Variants in CENPP observed in about 807,000 individuals in gnomAD.
The protein encoded by CENPP is centromere protein P.
Under a neutral mutation model 35.6 loss-of-function variants are expected in CENPP, and 24 were observed. The observed-to-expected ratio is 0.67, with a 90% CI of 0.49 to 0.95. The LOEUF (loss-of-function observed/expected upper bound fraction) is 0.95, where lower values mean the gene tolerates loss of function less well. Ranked by LOEUF, CENPP falls within the 40% of genes least tolerant of loss-of-function variation. CENPP has a pLI of 0.00. For missense variants in CENPP, 332 were observed against 345.3 expected, an observed-to-expected ratio of 0.96 and a Z score of 0.31; for synonymous variants, 120 against 125.5, an observed-to-expected ratio of 0.96 and a Z score of 0.29.
At chr9:92,442,454 G>A (rs1844433127) in intron 5 of CENPP, among the ~76,000 whole-genome samples, 1 of 151,074 alleles carries the variant, frequency 6.6e-6, no homozygotes, top group Non-Finnish European at 1.5e-5. Context: ...ATGATCAAGT[G>A]GGATTTGTAT....
chr9:92,415,194 T>TG, intron 5 of CENPP: 5 of 1,613,598 alleles, frequency 3.1e-6, no homozygotes, highest in Non-Finnish European at 4.2e-6. Context: ...AGTGCCCTTC[T>TG]GCTCCTTCTT....
intron 5 of CENPP, among the ~76,000 whole-genome samples, chr9:92,606,089 T>G (rs1446478158): frequency 1.3e-5 from 2 of 151,960 alleles, no homozygotes; most frequent in African/African-American, 4.8e-5. Flanking sequence ...GGCAAAACCC[T>G]GTCCCTATTA....
chr9:92,472,848 C>T (rs10992350), intron 5 of CENPP, among the ~76,000 whole-genome samples: 35,886 of 151,982 alleles, frequency 0.24, 5,705 homozygotes, highest in African/African-American at 0.44. Context: ...AAGTGGAAGT[C>T]TTATAGGAAG....
chr9:92,615,958 A>C lies in CENPP; in HGVS notation c.*2809A>C, dbSNP rs751581094. On this transcript the variant is annotated 3_prime_UTR_variant, in exon 8 of 8. Coordinates refer to ENST00000375587, the MANE Select transcript of CENPP (RefSeq NM_001012267.3). Reference sequence around the variant, plus strand: ...CGATCTTGCCGTCCAGTTTATACTGATGGGGAATGCTCTCGTAGGGCTTGA... The same window carrying C: ...CGATCTTGCCGTCCAGTTTATACTGCTGGGGAATGCTCTCGTAGGGCTTGA... 2.5e-6 allele frequency: 4 copies of C among 1,613,972 alleles called. No homozygotes were observed. Among genetic ancestry groups the C allele is most frequent in the Non-Finnish European group, 2.5e-6 (3 of 1,179,998 alleles).
At chr9:92,375,443 C>A (rs918021769) in intron 4 of CENPP, among the ~76,000 whole-genome samples, 1 of 152,060 alleles carries the variant, frequency 6.6e-6, no homozygotes, top group Admixed American at 6.6e-5. Flanking sequence ...CAGGCACACA[C>A]CACCACGCCC....
intron 5 of CENPP, chr9:92,495,478 T>G: frequency 1.0e-6 from 1 of 984,266 alleles, no homozygotes; most frequent in Non-Finnish European, 1.2e-6. Context: ...ATTTATACAT[T>G]AGATTTACCT....
intron 5 of CENPP, among the ~76,000 whole-genome samples, chr9:92,426,917 A>C (rs2130980553): frequency 6.6e-6 from 1 of 152,322 alleles, no homozygotes; most frequent in African/African-American, 2.4e-5. Context: ...GAGCACTTTA[A>C]GCAGCAACAA....
chr9:92,613,316 A>G lies in CENPP; in HGVS notation c.*167A>G. On this transcript the variant is annotated 3_prime_UTR_variant, in exon 8 of 8. Transcript: ENST00000375587. Reference sequence around the variant, plus strand: ...AACTCTCATGACATGAAAAATAAATACAACTAGTTAAGTATAAAATGCCAA... The same window carrying G: ...AACTCTCATGACATGAAAAATAAATGCAACTAGTTAAGTATAAAATGCCAA... The G allele has an allele frequency of 1.4e-6, 1 of 694,474 alleles. No individual in the cohort carries two copies. Among genetic ancestry groups the G allele is most frequent in the East Asian group, 2.8e-5 (1 of 35,446 alleles). 43.0% of individuals were successfully genotyped at this position (694,474 alleles called of 1,614,324 possible).
At chr9:92,337,176 G>C (rs1274706810) in intron 2 of CENPP, among the ~76,000 whole-genome samples, 1 of 152,092 alleles carries the variant, frequency 6.6e-6, no homozygotes, top group Non-Finnish European at 1.5e-5. Context: ...AAATTAGCCA[G>C]GCATGGTGGT....
intron 5 of CENPP, among the ~76,000 whole-genome samples, chr9:92,453,225 T>C (rs1588139579): frequency 6.6e-6 from 1 of 152,080 alleles, no homozygotes; most frequent in African/African-American, 2.4e-5. Context: ...CTGCTTTCTC[T>C]TGTGGGCATT....
rs539870096 is a variant in CENPP, at chr9:92,599,721, GGTT to G, written c.565-11589_565-11587del. Among the ~76,000 whole-genome samples the G allele has an allele frequency of 2.0e-5, 3 of 152,198 alleles. No homozygotes were observed. In the South Asian group the frequency reaches 6.2e-4, roughly 32 times the overall value. ...CGTGAGCCACTGCGCCTGGCCCAGT[GGTT>G]GTTTTTTTAATCTGCTTTCCTCCTG... On this transcript the variant is annotated intron_variant, in intron 5 of 7. Transcript: ENST00000375587.
chr9:92,389,970 GTTC>G (rs1564292652), intron 5 of CENPP: 2 of 1,610,714 alleles, frequency 1.2e-6, no homozygotes, highest in Admixed American at 1.7e-5. Context: ...GCAAGTGAAA[GTTC>G]TTCTAACAGA....
At chr9:92,612,392 T>C (rs1332985563) in intron 6 of CENPP, 131 bp from the exon 7 acceptor site, 2 of 695,884 alleles carry the variant, frequency 2.9e-6, no homozygotes, top group African/African-American at 1.8e-5. Flanking sequence ...GTGCCTCTTC[T>C]TGGCTGTGGA....
At chr9:92,549,893 A>G (rs1849552016) in intron 5 of CENPP, among the ~76,000 whole-genome samples, 1 of 152,142 alleles carries the variant, frequency 6.6e-6, no homozygotes, top group South Asian at 2.1e-4. Flanking sequence ...GCCAATGTGG[A>G]CAAAGTACAG....
intron 5 of CENPP, among the ~76,000 whole-genome samples, chr9:92,423,513 A>G (rs181816026): frequency 1.1e-4 from 16 of 152,302 alleles, no homozygotes; most frequent in Admixed American, 8.5e-4. Context: ...GAAAGCAAAT[A>G]TTAGCATATA....
At chr9:92,587,704 G>A (rs1177786391) in intron 5 of CENPP, among the ~76,000 whole-genome samples, 5 of 152,224 alleles carry the variant, frequency 3.3e-5, no homozygotes, top group African/African-American at 1.2e-4. Context: ...AAGGGAGGCA[G>A]GAATTGGGAT....
chr9:92,411,348 G>A (rs747502577), intron 5 of CENPP, among the ~76,000 whole-genome samples: 11 of 152,098 alleles, frequency 7.2e-5, no homozygotes, highest in Non-Finnish European at 1.5e-4. Flanking sequence ...AGGCTGGTGT[G>A]CAGTGGCATG....
chr9:92,599,093 C>T (rs1413309778), intron 5 of CENPP, among the ~76,000 whole-genome samples: 1 of 151,266 alleles, frequency 6.6e-6, no homozygotes, highest in Non-Finnish European at 1.5e-5. Flanking sequence ...GTGAATTCCA[C>T]ACCCAGAGTA....
At chr9:92,515,987 G>C (rs1039153944) in intron 5 of CENPP, among the ~76,000 whole-genome samples, 3 of 151,862 alleles carry the variant, frequency 2.0e-5, no homozygotes, top group Non-Finnish European at 4.4e-5. Flanking sequence ...AGAAAGTGGG[G>C]AAGACATGAC....
Sources: gnomAD v4.1 joint callset for allele counts (sites outside exome capture counted in the v4.1 genomes callset) on GRCh38, gnomAD v4.1.1 for gene constraint, MANE v1.5 for transcripts, NCBI Gene and HGNC (gene_info 2026-07-23, HGNC 2026-07-21) for gene names.